The following CDC42BPB variants were observed in gnomAD, a reference collection of about 807,000 sequenced individuals.
The protein encoded by CDC42BPB is CDC42 binding protein kinase beta.
Under a neutral mutation model 214.9 loss-of-function variants are expected in CDC42BPB, and 37 were observed. The observed-to-expected ratio is 0.17, with a 90% CI of 0.13 to 0.23. The LOEUF (loss-of-function observed/expected upper bound fraction) is 0.23, where lower values mean the gene tolerates loss of function less well. Among genes scored for constraint, CDC42BPB ranks in the 10% least tolerant of loss-of-function variants. The probability of loss-of-function intolerance (pLI) is 1.00; values close to 1 mark genes in which losing one functional copy is unlikely to be tolerated. For synonymous variants in CDC42BPB, 931 were observed against 884.0 expected (o/e 1.05, Z -0.94); for missense variants, 1,694 against 2,227.0 (o/e 0.76, Z 4.82).
chr14:102,941,479 G>C (rs1251762423), intron 30 of CDC42BPB: 1 of 985,338 alleles, frequency 1.0e-6, no homozygotes, highest in Non-Finnish European at 1.2e-6. Flanking sequence ...GTCTCAGAAG[G>C]AGCATTTCAG....
At chr14:103,015,783 A>T (rs1368268735) in intron 1 of CDC42BPB, among the ~76,000 whole-genome samples, 1 of 151,900 alleles carries the variant, frequency 6.6e-6, no homozygotes, top group Non-Finnish European at 1.5e-5. Context: ...ATCTCAGCTC[A>T]CTGCAACCTC....
At chr14:102,956,049 G>A (rs1244098766) in intron 21 of CDC42BPB, among the ~76,000 whole-genome samples, 1 of 152,228 alleles carries the variant, frequency 6.6e-6, no homozygotes, top group African/African-American at 2.4e-5. Flanking sequence ...AACAAGGTAT[G>A]TTAAGTGTTA....
intron 35 of CDC42BPB, 30 bp downstream of exon 35, chr14:102,938,276 A>C: frequency 6.2e-7 from 1 of 1,603,252 alleles, no homozygotes; most frequent in Non-Finnish European, 8.5e-7. Context: ...CACCTCCCCC[A>C]GGGCTGCGGG....
Position 102,938,302 on chromosome 14 carries a change from G to A in CDC42BPB, c.4933+4C>T, listed in dbSNP as rs55897890. 33 of 1,608,278 alleles carry A rather than the reference G, an allele frequency of 2.1e-5. No individual in the cohort carries two copies. In the South Asian group the frequency reaches 3.0e-4, roughly 15 times the overall value. ...GGGCTGCGGGGGCCAGGCTTCCCCT[G>A]TACCTGATGAGGGCCACGAGATGTA... On this transcript the variant is annotated splice_donor_region_variant and intron_variant, in intron 35 of 36. Coordinates refer to ENST00000361246, the MANE Select transcript of CDC42BPB (RefSeq NM_006035.4).
intron 16 of CDC42BPB, among the ~76,000 whole-genome samples, chr14:102,967,967 C>T (rs747391762): frequency 3.3e-5 from 5 of 151,814 alleles, no homozygotes; most frequent in Admixed American, 6.6e-5. Flanking sequence ...TGGTGGCAGA[C>T]GCCTGTAGTC....
intron 6 of CDC42BPB, among the ~76,000 whole-genome samples, chr14:102,985,931 G>C (rs1894225912): frequency 6.6e-6 from 1 of 152,254 alleles, no homozygotes; most frequent in South Asian, 2.1e-4. Context: ...CCTGTGGCCT[G>C]AGCCTGGGTC....
At chr14:103,051,718 G>T (rs1888618929) in intron 1 of CDC42BPB, among the ~76,000 whole-genome samples, 1 of 152,234 alleles carries the variant, frequency 6.6e-6, no homozygotes, top group African/African-American at 2.4e-5. Flanking sequence ...AACTTTTTCA[G>T]GTAGCTCACA....
chr14:103,049,465 T>C (rs1291736518), intron 1 of CDC42BPB, among the ~76,000 whole-genome samples: 1 of 152,200 alleles, frequency 6.6e-6, no homozygotes, highest in Non-Finnish European at 1.5e-5. Flanking sequence ...GTCACTTTGT[T>C]CTCCATTACT....
intron 5 of CDC42BPB, among the ~76,000 whole-genome samples, chr14:102,990,640 C>T (rs1033494205): frequency 1.1e-4 from 17 of 152,124 alleles, no homozygotes; most frequent in African/African-American, 3.9e-4. Context: ...CATAGTAATG[C>T]GCATGCCCAG....
intron 6 of CDC42BPB, among the ~76,000 whole-genome samples, chr14:102,985,093 T>G (rs1472910175): frequency 1.4e-5 from 2 of 148,032 alleles, no homozygotes; most frequent in African/African-American, 5.1e-5. Context: ...CGGGGTGGTG[T>G]GGAGGTGAGG....
At chr14:103,019,474 G>A (rs952970661) in intron 1 of CDC42BPB, among the ~76,000 whole-genome samples, 11 of 152,138 alleles carry the variant, frequency 7.2e-5, no homozygotes, top group African/African-American at 2.2e-4. Flanking sequence ...CTTCCTGCCC[G>A]TCTTCCTCAC....
chr14:102,991,088 T>C (rs1387362415), intron 5 of CDC42BPB, among the ~76,000 whole-genome samples: 1 of 152,182 alleles, frequency 6.6e-6, no homozygotes, highest in South Asian at 2.1e-4. Flanking sequence ...AAGAGGATAT[T>C]TGCATGGTCT....
In CDC42BPB at chr14:102,950,704, G is replaced by T. The variant is rs191606227; in HGVS notation, c.3173-102C>A. On this transcript the variant is annotated intron_variant, in intron 24 of 36. Transcript: ENST00000361246. ...GGCAATTTAATAATCACCAGGTCTC[G>T]CCTGGAATCCCAGCACTTTCGGAGG... is the stretch of plus-strand genomic sequence containing the variant. 784 of 1,384,946 alleles carry T rather than the reference G, an allele frequency of 5.7e-4. 1 individual carries two copies. Among genetic ancestry groups the T allele is most frequent in the Admixed American group, 7.2e-4 (21 of 29,104 alleles). 85.8% of individuals were successfully genotyped at this position (1,384,946 alleles called of 1,614,324 possible).
At chr14:103,022,641 C>T (rs916056839) in intron 1 of CDC42BPB, among the ~76,000 whole-genome samples, 1 of 152,186 alleles carries the variant, frequency 6.6e-6, no homozygotes, top group African/African-American at 2.4e-5. Flanking sequence ...ACATCACACT[C>T]GTCAACTGAT....
Position 102,945,728 on chromosome 14 carries a change from T to C in CDC42BPB, c.3749-4A>G, listed in dbSNP as rs1892131408. On this transcript the variant is annotated splice_polypyrimidine_tract_variant and splice_region_variant and intron_variant, in intron 28 of 36. Coordinates refer to ENST00000361246, the MANE Select transcript of CDC42BPB (RefSeq NM_006035.4). ...CCGACTGCAATCCTGTCTGCATCTG[T>C]GGAGGGGTAAGTAACATACACAAAG... 1.2e-6 allele frequency: 2 copies of C among 1,612,446 alleles called. No homozygotes were observed. Among genetic ancestry groups the C allele is most frequent in the African/African-American group, 1.3e-5 (1 of 74,910 alleles).
intron 1 of CDC42BPB, among the ~76,000 whole-genome samples, chr14:103,053,563 C>T (rs944998557): frequency 8.6e-5 from 13 of 151,504 alleles, no homozygotes; most frequent in African/African-American, 1.7e-4. Context: ...AGATCGAGAC[C>T]ATCCTGGCTA....
chr14:102,936,283 C>T (rs1891644178), intron 36 of CDC42BPB, among the ~76,000 whole-genome samples: 1 of 152,228 alleles, frequency 6.6e-6, no homozygotes, highest in South Asian at 2.1e-4. Flanking sequence ...CACTCAAACA[C>T]ATATGTGCAC....
chr14:103,040,332 G>A (rs988039766), intron 1 of CDC42BPB, among the ~76,000 whole-genome samples: 13 of 151,874 alleles, frequency 8.6e-5, no homozygotes, highest in African/African-American at 3.1e-4. Flanking sequence ...TCTAGCCTGG[G>A]CGACAGAGCA....
intron 1 of CDC42BPB, among the ~76,000 whole-genome samples, chr14:103,034,818 C>CAAAAAAAAAA (rs573894825): frequency 3.2e-5 from 2 of 62,856 alleles, no homozygotes; most frequent in African/African-American, 5.3e-5. Flanking sequence ...ACTCCGTCTC[C>CAAAAAAAAAA]AAAAAAAAAA....
Sources: allele counts gnomAD v4.1 joint callset (sites outside exome capture counted in the v4.1 genomes callset), GRCh38; gene constraint gnomAD v4.1.1; transcripts MANE v1.5; gene names NCBI Gene and HGNC (gene_info 2026-07-23, HGNC 2026-07-21).